Variants in ZNF326 observed in about 807,000 individuals in gnomAD.
ZNF326 encodes the protein zinc finger protein 326, also known as DBIRD complex subunit ZNF326.
ZNF326 carries 30 observed loss-of-function variants against 63.1 expected under a neutral mutation model. The ratio of observed to expected loss-of-function variants is 0.48; its 90% CI spans 0.36 to 0.64. The LOEUF (loss-of-function observed/expected upper bound fraction) is 0.64. Among genes scored for constraint, ZNF326 ranks in the 30% least tolerant of loss-of-function variants. The probability of loss-of-function intolerance (pLI) is 0.00; values close to 1 mark genes in which losing one functional copy is unlikely to be tolerated. For missense variants in ZNF326, 609 were observed against 720.3 expected, an observed-to-expected ratio of 0.85 and a Z score of 1.77; for synonymous variants, 194 against 228.2, an observed-to-expected ratio of 0.85 and a Z score of 1.35.
intron 1 of ZNF326, among the ~76,000 whole-genome samples, chr1:89,996,458 C>T (rs919507111): frequency 1.3e-5 from 2 of 152,132 alleles, no homozygotes; most frequent in African/African-American, 4.8e-5. Context: ...TGGAATAGCC[C>T]TCTTGTAGAT....
intron 2 of ZNF326, among the ~76,000 whole-genome samples, chr1:90,000,437 G>A (rs1023017851): frequency 6.6e-6 from 1 of 152,204 alleles, no homozygotes; most frequent in African/African-American, 2.4e-5. Context: ...GGTAGCTCAT[G>A]CCTATAATCC....
Position 90,017,440 on chromosome 1 carries a change from T to C in ZNF326, c.1050T>C (p.Asp350=). Residue 350 remains aspartate (D), a synonymous_variant, in exon 8 of 12, where the codon GAT becomes GAC. Transcript: ENST00000340281. ...ATATACAGAAACAAACTAAATTTGA[T>C]AAAGTAGTTATGGAGTTTTTGCATG... The part of the protein sequence containing the change: ...LDHIQKQTKF[D]KVVMEFLHEC... 6.3e-7 allele frequency: 1 copy of C among 1,591,500 alleles called. No homozygotes were observed. The highest frequency in any genetic ancestry group is 8.5e-7 in the Non-Finnish European group (1 of 1,173,830).
Position 90,004,082 on chromosome 1 carries a change from C to T in ZNF326, c.62-921C>T, listed in dbSNP as rs112839641. Among the ~76,000 whole-genome samples the T allele has an allele frequency of 2.1e-4, 32 of 151,960 alleles. 1 individual carries two copies. Among genetic ancestry groups the T allele is most frequent in the African/African-American group, 7.0e-4 (29 of 41,436 alleles). ...TTACTTTCTGATTTTTGTAGTCATC[C>T]TAAATTGATTTTGTTACCTCTTTTG... On this transcript the variant is annotated intron_variant, in intron 2 of 11. Transcript: ENST00000340281.
At chr1:89,995,367 C>A in intron 1 of ZNF326, 94 bp downstream of exon 1, 2 of 1,446,476 alleles carry the variant, frequency 1.4e-6, no homozygotes, top group South Asian at 1.3e-5. Flanking sequence ...GCCGTGTGGG[C>A]TTTGTTCTGC....
At chr1:90,018,152 C>A (rs890723213) in intron 8 of ZNF326, among the ~76,000 whole-genome samples, 1 of 151,902 alleles carries the variant, frequency 6.6e-6, no homozygotes, top group Admixed American at 6.6e-5. Context: ...ATTAGCCAGG[C>A]GTGGTGGCGC....
At chr1:90,010,002 G>C in intron 5 of ZNF326, 86 bp from the exon 6 acceptor site, 1 of 1,324,934 alleles carries the variant, frequency 7.5e-7, no homozygotes, top group Non-Finnish European at 1.0e-6. Flanking sequence ...GTGAAAATTA[G>C]TAGATAGTTA....
intron 2 of ZNF326, among the ~76,000 whole-genome samples, chr1:90,001,588 T>G (rs1252742367): frequency 6.6e-6 from 1 of 150,602 alleles, no homozygotes; most frequent in Non-Finnish European, 1.5e-5. Flanking sequence ...AGTTTCTCTC[T>G]TGTCGCCCAG....
rs113179431 is a variant in ZNF326 at position 90,026,372 on chromosome 1, C to T, written c.1402-982C>T. ...ATCCCAGGGCCTTCCCATTTAAGACCCTGGCTTCACCAATGCACTCTCTGC... is the reference window on the plus strand; with the variant it reads ...ATCCCAGGGCCTTCCCATTTAAGACTCTGGCTTCACCAATGCACTCTCTGC... On this transcript the variant is annotated intron_variant, in intron 11 of 11. Coordinates refer to ENST00000340281, the MANE Select transcript of ZNF326 (RefSeq NM_182976.4). Among the ~76,000 whole-genome samples the T allele has an allele frequency of 9.6e-3, 1,466 of 152,192 alleles. 22 individuals are homozygous for T. The highest frequency in any genetic ancestry group is 0.033 in the African/African-American group (1,372 of 41,506).
chr1:90,016,067 A>G (rs1649489532), intron 7 of ZNF326, among the ~76,000 whole-genome samples: 1 of 152,148 alleles, frequency 6.6e-6, no homozygotes, highest in South Asian at 2.1e-4. Flanking sequence ...TTGAGCAGTA[A>G]TGTGCTCTTA....
chr1:90,019,657 T>C (rs1041774097), intron 9 of ZNF326, among the ~76,000 whole-genome samples: 2 of 152,256 alleles, frequency 1.3e-5, no homozygotes, highest in East Asian at 3.9e-4. Context: ...TCCTTCCTAA[T>C]AAATTCACTT....
intron 6 of ZNF326, among the ~76,000 whole-genome samples, chr1:90,010,559 GATAA>G (rs1265210736): frequency 6.6e-6 from 1 of 152,074 alleles, no homozygotes; most frequent in African/African-American, 2.4e-5. Flanking sequence ...GCACAGAATA[GATAA>G]ATAATTTGCT....
intron 6 of ZNF326, among the ~76,000 whole-genome samples, chr1:90,012,189 G>C (rs1649283961): frequency 6.6e-6 from 1 of 152,032 alleles, no homozygotes; most frequent in South Asian, 2.1e-4. Context: ...ATTGCCAAAA[G>C]GTAGAAACAA....
In ZNF326 at chr1:90,033,214, C is replaced by CAAA. The variant is rs1205567748; in HGVS notation, c.*5515_*5516insAAA. The CAAA allele has an allele frequency of 6.6e-6, 1 of 152,048 alleles. No homozygotes were observed. Among genetic ancestry groups the CAAA allele is most frequent in the Non-Finnish European group, 1.5e-5 (1 of 68,006 alleles). 9.4% of individuals were successfully genotyped at this position (152,048 alleles called of 1,614,324 possible). A position where few individuals can be genotyped will look rare whatever the true frequency, so the allele number is the denominator to read the frequency against. ...TTTAAAGGGTTGTAGAACACCAAAACAATATATGACAGATACTGTGTTTGG... is the reference window on the plus strand; with the variant it reads ...TTTAAAGGGTTGTAGAACACCAAAACAAAAATATATGACAGATACTGTGTTTGG... On this transcript the variant is annotated 3_prime_UTR_variant, in exon 12 of 12. Transcript: ENST00000340281.
chr1:89,995,705 C>T (rs914528637), intron 1 of ZNF326, among the ~76,000 whole-genome samples: 3 of 152,252 alleles, frequency 2.0e-5, no homozygotes, highest in African/African-American at 7.2e-5. Context: ...CCTCGGGTTA[C>T]TTCTTGCCAG....
chr1:90,020,240 G>A (rs1649702900), intron 9 of ZNF326, among the ~76,000 whole-genome samples: 1 of 151,760 alleles, frequency 6.6e-6, no homozygotes, highest in Non-Finnish European at 1.5e-5. Flanking sequence ...TATTATTTAG[G>A]CCCTTCTTTT....
intron 11 of ZNF326, among the ~76,000 whole-genome samples, chr1:90,023,895 G>C (rs1649887827): frequency 6.6e-6 from 1 of 152,200 alleles, no homozygotes; most frequent in Admixed American, 6.5e-5. Context: ...AATGTGATCT[G>C]TGGATCAGCA....
intron 4 of ZNF326, chr1:90,006,445 A>G (rs2101062385): frequency 2.0e-6 from 2 of 985,420 alleles, no homozygotes; most frequent in Non-Finnish European, 1.2e-6. Flanking sequence ...TAAGATATCA[A>G]GCAACTTTTG....
chr1:90,017,901 G>A (rs1401687599), intron 8 of ZNF326, among the ~76,000 whole-genome samples: 1 of 152,190 alleles, frequency 6.6e-6, no homozygotes, highest in African/African-American at 2.4e-5. Context: ...AGACAGTTGG[G>A]AATGTTAAGG....
chr1:89,995,637 A>G (rs1345880774), intron 1 of ZNF326, among the ~76,000 whole-genome samples: 5 of 152,226 alleles, frequency 3.3e-5, no homozygotes, highest in Admixed American at 2.0e-4. Flanking sequence ...TCACCCACCT[A>G]GTCTCGCATT....
Sources: allele counts gnomAD v4.1 joint callset (sites outside exome capture counted in the v4.1 genomes callset), GRCh38; gene constraint gnomAD v4.1.1; transcripts MANE v1.5; gene names NCBI Gene and HGNC (gene_info 2026-07-23, HGNC 2026-07-21).